The following GPC6 variants were observed in gnomAD, a reference collection of about 807,000 sequenced individuals.
GPC6 encodes glypican-6.
In GPC6, 14 loss-of-function variants were observed where a neutral mutation model predicts 55.2. The ratio of observed to expected loss-of-function variants is 0.25; its 90% CI spans 0.17 to 0.40. The LOEUF (loss-of-function observed/expected upper bound fraction) is 0.40. GPC6 is among the 10% of genes least tolerant of loss of function. The probability of loss-of-function intolerance (pLI) is 1.00; values close to 1 mark genes in which losing one functional copy is unlikely to be tolerated. For synonymous variants in GPC6, 278 were observed against 259.6 expected (o/e 1.07, Z -0.68); for missense variants, 641 against 708.5 (o/e 0.90, Z 1.08).
chr13:93,964,680 T>G (rs984081439), intron 3 of GPC6, among the ~76,000 whole-genome samples: 8 of 152,248 alleles, frequency 5.3e-5, no homozygotes, highest in Non-Finnish European at 1.2e-4. Flanking sequence ...ATTTTATTCC[T>G]GACCAGTCTT....
chr13:93,546,556 C>G (rs1874797939), intron 2 of GPC6, among the ~76,000 whole-genome samples: 1 of 152,300 alleles, frequency 6.6e-6, no homozygotes, highest in African/African-American at 2.4e-5. Flanking sequence ...CACATTCTGT[C>G]TTTGGCTCTC....
chr13:94,288,806 T>A (rs1386170172), intron 5 of GPC6, among the ~76,000 whole-genome samples: 1 of 72,508 alleles, frequency 1.4e-5, no homozygotes, highest in Non-Finnish European at 2.4e-5. Flanking sequence ...TATATATTTG[T>A]TATATATAAT....
At chr13:94,051,611 A>G (rs1253040875) in intron 4 of GPC6, among the ~76,000 whole-genome samples, 1 of 152,192 alleles carries the variant, frequency 6.6e-6, no homozygotes, top group Non-Finnish European at 1.5e-5. Flanking sequence ...TATATAATGG[A>G]AAGTGTAAAG....
chr13:93,658,206 C>A (rs962494522), intron 2 of GPC6, among the ~76,000 whole-genome samples: 2 of 151,982 alleles, frequency 1.3e-5, no homozygotes, highest in African/African-American at 4.8e-5. Context: ...CATTTTCAAT[C>A]ATTTCTCTCT....
At chr13:93,423,781 G>C (rs1877016924) in intron 1 of GPC6, among the ~76,000 whole-genome samples, 2 of 152,050 alleles carry the variant, frequency 1.3e-5, no homozygotes, top group Admixed American at 6.6e-5. Flanking sequence ...AGAGCTGCTG[G>C]AGTGCCCTTT....
At chr13:94,323,030 A>C (rs2139131856) in intron 6 of GPC6, among the ~76,000 whole-genome samples, 1 of 152,246 alleles carries the variant, frequency 6.6e-6, no homozygotes, top group African/African-American at 2.4e-5. Flanking sequence ...GAAGGTAGAG[A>C]GAGAAAAGAA....
chr13:94,114,715 A>G (rs943312884), intron 4 of GPC6, among the ~76,000 whole-genome samples: 10 of 152,166 alleles, frequency 6.6e-5, no homozygotes, highest in Admixed American at 3.9e-4. Context: ...CAAATTTTAC[A>G]CAACCAAGGT....
intron 6 of GPC6, among the ~76,000 whole-genome samples, chr13:94,329,176 A>G (rs1158797753): frequency 6.6e-6 from 1 of 152,216 alleles, no homozygotes; most frequent in Non-Finnish European, 1.5e-5. Context: ...AGAGGGACAA[A>G]ATAAAGAAAC....
At chr13:93,301,180 G>A (rs960285542) in intron 1 of GPC6, among the ~76,000 whole-genome samples, 10 of 152,120 alleles carry the variant, frequency 6.6e-5, no homozygotes, top group African/African-American at 2.2e-4. Context: ...AATTGTTACT[G>A]TCTTTGATAA....
chr13:93,835,657 C>G (rs541082583), intron 3 of GPC6, among the ~76,000 whole-genome samples: 57 of 152,206 alleles, frequency 3.7e-4, no homozygotes, highest in Non-Finnish European at 3.8e-4. Context: ...GAGGCTGAAG[C>G]AGGAGAATCG....
At chr13:93,283,720 G>C (rs1878025298) in intron 1 of GPC6, among the ~76,000 whole-genome samples, 1 of 152,172 alleles carries the variant, frequency 6.6e-6, no homozygotes, top group Admixed American at 6.5e-5. Flanking sequence ...CAAACTGCAA[G>C]TAATACAAAA....
chr13:93,346,296 A>G (rs1880427437), intron 1 of GPC6, among the ~76,000 whole-genome samples: 1 of 152,228 alleles, frequency 6.6e-6, no homozygotes, highest in Non-Finnish European at 1.5e-5. Context: ...GCAGTAAAGC[A>G]TAAATGGGCA....
chr13:93,493,715 A>T (rs1256328956), intron 1 of GPC6, among the ~76,000 whole-genome samples: 1 of 131,168 alleles, frequency 7.6e-6, no homozygotes. Flanking sequence ...AGATTCTGGT[A>T]TGTTGTGTCT....
At chr13:93,664,166 A>G (rs892214195) in intron 2 of GPC6, among the ~76,000 whole-genome samples, 2 of 152,178 alleles carry the variant, frequency 1.3e-5, no homozygotes, top group African/African-American at 4.8e-5. Context: ...TTTATTCTAA[A>G]TTAAATTTAT....
intron 1 of GPC6, among the ~76,000 whole-genome samples, chr13:93,315,394 T>C (rs1263836769): frequency 6.6e-6 from 1 of 151,974 alleles, no homozygotes; most frequent in Non-Finnish European, 1.5e-5. Context: ...AAAATAAGTT[T>C]AGAAAATACT....
chr13:94,145,526 G>A (rs893212926), intron 4 of GPC6, among the ~76,000 whole-genome samples: 3 of 150,678 alleles, frequency 2.0e-5, no homozygotes, highest in Non-Finnish European at 4.4e-5. Context: ...AGTCTCATAT[G>A]TGTACCCCCA....
chr13:94,228,734 C>A (rs541717598), intron 4 of GPC6, among the ~76,000 whole-genome samples: 12 of 151,564 alleles, frequency 7.9e-5, no homozygotes, highest in Non-Finnish European at 1.8e-4. Flanking sequence ...GGCCTGAAGC[C>A]ATCCCATCCT....
chr13:94,274,102 A>G (rs1457508277), intron 4 of GPC6, among the ~76,000 whole-genome samples: 2 of 152,212 alleles, frequency 1.3e-5, no homozygotes, highest in Non-Finnish European at 2.9e-5. Context: ...GTTTTTATGA[A>G]ATACAAGGCA....
chr13:93,403,366 G>A (rs569540729), intron 1 of GPC6, among the ~76,000 whole-genome samples: 108 of 152,210 alleles, frequency 7.1e-4, no homozygotes, highest in African/African-American at 2.3e-3. Flanking sequence ...GTTCAAGAGC[G>A]GTTTTGTGAG....
Sources: allele counts gnomAD v4.1 joint callset (sites outside exome capture counted in the v4.1 genomes callset), GRCh38; gene constraint gnomAD v4.1.1; transcripts MANE v1.5; gene names NCBI Gene and HGNC (gene_info 2026-07-23, HGNC 2026-07-21).